The following ADGRL2 variants were observed in gnomAD, a reference collection of about 807,000 sequenced individuals.
ADGRL2 encodes the protein adhesion G protein-coupled receptor L2, also known as calcium-independent alpha-latrotoxin receptor 2.
In ADGRL2, 44 loss-of-function variants were observed where a neutral mutation model predicts 157.4. The ratio of observed to expected loss-of-function variants is 0.28; its 90% CI spans 0.22 to 0.36. The LOEUF (loss-of-function observed/expected upper bound fraction) is 0.36. ADGRL2 is among the 10% of genes least tolerant of loss of function. ADGRL2 has a pLI of 1.00. For synonymous variants in ADGRL2, 585 were observed against 624.7 expected (o/e 0.94, Z 0.95); for missense variants, 1,510 against 1,768.9 (o/e 0.85, Z 2.63).
intron 2 of ADGRL2, among the ~76,000 whole-genome samples, chr1:81,855,131 G>A (rs1252134183): frequency 6.6e-6 from 1 of 152,108 alleles, no homozygotes; most frequent in Admixed American, 6.6e-5. Context: ...AAACTGGAAA[G>A]TGCATGCTTG....
chr1:81,401,159 G>A (rs1450282480), intron 1 of ADGRL2, among the ~76,000 whole-genome samples: 1 of 152,160 alleles, frequency 6.6e-6, no homozygotes, highest in Non-Finnish European at 1.5e-5. Context: ...CACCAGGAAG[G>A]TGGTGGCCAA....
chr1:81,524,238 C>T (rs1034190532), intron 2 of ADGRL2, among the ~76,000 whole-genome samples: 32 of 150,596 alleles, frequency 2.1e-4, no homozygotes, highest in Admixed American at 2.6e-4. Flanking sequence ...TGGTGACGGG[C>T]GCCTGTAGTC....
intron 2 of ADGRL2, among the ~76,000 whole-genome samples, chr1:81,451,023 C>T (rs1237892125): frequency 6.6e-6 from 1 of 152,172 alleles, no homozygotes; most frequent in African/African-American, 2.4e-5. Flanking sequence ...AGTTTACTTC[C>T]TAATCTCTTC....
intron 2 of ADGRL2, among the ~76,000 whole-genome samples, chr1:81,775,248 T>G (rs1416389190): frequency 6.6e-6 from 1 of 152,206 alleles, no homozygotes; most frequent in Non-Finnish European, 1.5e-5. Flanking sequence ...TTTCTTACTT[T>G]AAATATAAAA....
intron 1 of ADGRL2, among the ~76,000 whole-genome samples, chr1:81,342,091 A>AT (rs1234554043): frequency 1.3e-5 from 2 of 152,228 alleles, no homozygotes; most frequent in South Asian, 2.1e-4. Flanking sequence ...TGAAACAAAG[A>AT]TTTTTTTGGA....
chr1:81,721,064 G>T (rs2084298492), intron 1 of ADGRL2, among the ~76,000 whole-genome samples: 2 of 146,768 alleles, frequency 1.4e-5, no homozygotes, highest in Non-Finnish European at 3.0e-5. Flanking sequence ...TAGAGCCGGG[G>T]TCTTGCTATG....
At chr1:81,397,463 G>T (rs920719553) in intron 1 of ADGRL2, among the ~76,000 whole-genome samples, 3 of 151,816 alleles carry the variant, frequency 2.0e-5, no homozygotes, top group African/African-American at 7.2e-5. Context: ...GAGACTAGAG[G>T]CGCCCGCCAC....
intron 2 of ADGRL2, among the ~76,000 whole-genome samples, chr1:81,882,956 A>G (rs953043496): frequency 6.6e-6 from 1 of 152,170 alleles, no homozygotes; most frequent in Admixed American, 6.5e-5. Flanking sequence ...TTTGTTTTCT[A>G]AAGTTTTAAA....
intron 17 of ADGRL2, among the ~76,000 whole-genome samples, chr1:81,972,624 C>T (rs996411476): frequency 1.6e-4 from 25 of 152,004 alleles, no homozygotes; most frequent in Non-Finnish European, 8.8e-5. Context: ...AAAACTTTCA[C>T]TCAGGCCTGG....
chr1:81,363,291 A>C (rs2076009163), intron 1 of ADGRL2, among the ~76,000 whole-genome samples: 1 of 152,086 alleles, frequency 6.6e-6, no homozygotes, highest in Non-Finnish European at 1.5e-5. Context: ...AGCTACAGTC[A>C]AGTGTACGAA....
chr1:81,762,195 A>G (rs1219274404), intron 2 of ADGRL2, among the ~76,000 whole-genome samples: 2 of 152,154 alleles, frequency 1.3e-5, no homozygotes, highest in African/African-American at 4.8e-5. Context: ...CACGAGCAGA[A>G]AAAGAAAGCA....
intron 2 of ADGRL2, among the ~76,000 whole-genome samples, chr1:81,475,702 A>C (rs2101890844): frequency 6.6e-6 from 1 of 152,326 alleles, no homozygotes; most frequent in East Asian, 1.9e-4. Flanking sequence ...GAAGTACAAA[A>C]GACAAGAAAA....
chr1:81,487,091 CAAAAA>C (rs146122539), intron 2 of ADGRL2, among the ~76,000 whole-genome samples: 1 of 85,280 alleles, frequency 1.2e-5, no homozygotes, highest in South Asian at 5.5e-4. Context: ...CTCATCTCTA[CAAAAA>C]AAAAAAAAAA....
intron 1 of ADGRL2, among the ~76,000 whole-genome samples, chr1:81,368,464 C>T (rs2076105259): frequency 1.3e-5 from 2 of 152,158 alleles, no homozygotes; most frequent in South Asian, 4.1e-4. Context: ...CTCCACTGGC[C>T]ACTTCCTTAG....
chr1:81,798,664 G>A (rs868202038), upstream of ADGRL2, among the ~76,000 whole-genome samples: 10 of 152,138 alleles, frequency 6.6e-5, no homozygotes, highest in Admixed American at 5.9e-4. Flanking sequence ...AGAATACAGT[G>A]AAGAGTGATT....
chr1:81,314,432 G>A (rs1029002056), intron 1 of ADGRL2, among the ~76,000 whole-genome samples: 5 of 152,098 alleles, frequency 3.3e-5, no homozygotes, highest in Admixed American at 1.3e-4. Flanking sequence ...GGATTAGGCC[G>A]CATTTTAGTT....
At chr1:81,321,816 A>G (rs943224221) in intron 1 of ADGRL2, among the ~76,000 whole-genome samples, 3 of 144,366 alleles carry the variant, frequency 2.1e-5, no homozygotes, top group African/African-American at 7.5e-5. Flanking sequence ...AAAGATATGA[A>G]GTGATTACAT....
At position 81,950,157 on chromosome 1, in the gene ADGRL2, T is replaced by G. The variant is rs775202370; in HGVS notation, c.1211-32T>G. 5.0e-6 allele frequency: 8 copies of G among 1,589,764 alleles called. No individual in the cohort carries two copies. The African/African-American group carries it at 8.1e-5, about 16-fold the overall frequency. On this transcript the variant is annotated intron_variant, in intron 6 of 23. Coordinates refer to ENST00000686636, the MANE Select transcript of ADGRL2 (RefSeq NM_001366006.2). ...ACTGTATGTGAGTGCAAGTGTGTGTTTGAGATTAATATACTCATCTTTTTT... is the reference window on the plus strand; with the variant it reads ...ACTGTATGTGAGTGCAAGTGTGTGTGTGAGATTAATATACTCATCTTTTTT...
intron 2 of ADGRL2, among the ~76,000 whole-genome samples, chr1:81,902,468 C>T (rs905059408): frequency 5.9e-5 from 9 of 151,938 alleles, no homozygotes; most frequent in East Asian, 1.9e-4. Context: ...CATGGTGGTG[C>T]GCACCTGTGG....
Sources: gnomAD v4.1 joint callset for allele counts (sites outside exome capture counted in the v4.1 genomes callset) on GRCh38, gnomAD v4.1.1 for gene constraint, MANE v1.5 for transcripts, NCBI Gene and HGNC (gene_info 2026-07-23, HGNC 2026-07-21) for gene names.